PRX: variants seen among roughly 807,000 people sequenced by gnomAD.
PRX encodes the protein periaxin.
Under a neutral mutation model 29.6 loss-of-function variants are expected in PRX, and 24 were observed. The observed-to-expected ratio is 0.81, with a 90% CI of 0.59 to 1.14. The LOEUF is 1.14. Ranked by LOEUF, PRX falls within the 50% of genes most tolerant of loss-of-function variation. The probability of loss-of-function intolerance (pLI) is 0.00; values close to 1 mark genes in which losing one functional copy is unlikely to be tolerated. For missense variants in PRX, 1,838 were observed against 1,926.4 expected, an observed-to-expected ratio of 0.95 and a Z score of 0.86; for synonymous variants, 772 against 831.7, an observed-to-expected ratio of 0.93 and a Z score of 1.24.
In PRX at chr19:40,393,889, G is replaced by T; in HGVS notation, c.*77C>A. ...CCACCTCCCGGCCCTCTTAGGGTTA[G>T]TGCTAGTTATCACACACACAACAGC... On this transcript the variant is annotated 3_prime_UTR_variant, in exon 7 of 7. Transcript: ENST00000324001. 3 of 1,596,530 alleles carry T rather than the reference G, an allele frequency of 1.9e-6. No individual in the cohort carries two copies. Among genetic ancestry groups the T allele is most frequent in the Non-Finnish European group, 2.5e-6 (3 of 1,177,870 alleles).
chr19:40,397,070 CG>C lies in PRX; in HGVS notation c.1281del (p.Ile427MetfsTer16), dbSNP rs1568708285. The C allele has an allele frequency of 6.2e-7, 1 of 1,614,088 alleles. No homozygotes were observed. Among genetic ancestry groups the C allele is most frequent in the Non-Finnish European group, 8.5e-7 (1 of 1,180,034 alleles). On this transcript the variant is annotated frameshift_variant, in exon 7 of 7. Coordinates refer to ENST00000324001, the MANE Select transcript of PRX (RefSeq NM_181882.3). LOFTEE classifies it low-confidence loss of function (END_TRUNC). Reference sequence around the variant, plus strand: ...ACCTTGACCTCGGGCCCTGACACTCCGATGCCAAGGGAGGGCATCTTGATGG... The same window carrying C: ...ACCTTGACCTCGGGCCCTGACACTCCATGCCAAGGGAGGGCATCTTGATGG... ...LPTIKMPSLG[I>X]GVSGPEVKVP...
rs563970195 is a variant in PRX, at chr19:40,396,984, G to A, written c.1368C>T (p.Pro456=). The change falls in exon 7 of 7, where the codon CCC becomes CCT. Residue 456 remains proline (P), a synonymous_variant. Coordinates refer to ENST00000324001, the MANE Select transcript of PRX (RefSeq NM_181882.3). ...GTCGAACCTCTGGAAGGGCTGCCTC[G>A]GGCACTTTTGGAAGCTTGACCTCAG... is the stretch of plus-strand genomic sequence containing the variant. The part of the protein sequence containing the change: ...KAPEVKLPKV[P]EAALPEVRLP... 11 of 1,614,010 alleles carry A rather than the reference G, an allele frequency of 6.8e-6. No individual in the cohort carries two copies. Among genetic ancestry groups the A allele is most frequent in the South Asian group, 3.3e-5 (3 of 91,070 alleles).
At position 40,395,095 on chromosome 19, in the gene PRX, T is replaced by C; in HGVS notation, c.3257A>G (p.Lys1086Arg). Residue 1086 changes from lysine to arginine, a missense_variant, in exon 7 of 7, where the codon AAG becomes AGG. By Grantham distance (26) the Lys-to-Arg change is conservative. Coordinates refer to ENST00000324001, the MANE Select transcript of PRX (RefSeq NM_181882.3). ...VQGDRASPGE[K>R]AESTAVQLKI... ...AAGCTGCACAGCGGTGGACTCAGCC[T>C]TTTCCCCCGGGCTGGCACGATCACC... 3 of 1,613,442 alleles carry C rather than the reference T, an allele frequency of 1.9e-6. No homozygotes were observed. The highest frequency in any genetic ancestry group is 2.5e-6 in the Non-Finnish European group (3 of 1,179,988).
intron 5 of PRX, among the ~76,000 whole-genome samples, chr19:40,399,365 T>C (rs1286770836): frequency 5.9e-5 from 9 of 152,222 alleles, no homozygotes. Flanking sequence ...AAGGTTGTCA[T>C]GGCCTCACTC....
intron 5 of PRX, among the ~76,000 whole-genome samples, chr19:40,402,002 C>T (rs968672210): frequency 1.3e-5 from 2 of 152,110 alleles, no homozygotes; most frequent in Non-Finnish European, 2.9e-5. Flanking sequence ...GATCAGCCCA[C>T]CTCAGCCTCC....
chr19:40,395,294 T>G lies in PRX; in HGVS notation c.3058A>C (p.Arg1020=). Residue 1020 remains arginine (R), a synonymous_variant, in exon 7 of 7, where the codon AGG becomes CGG. Coordinates refer to ENST00000324001, the MANE Select transcript of PRX (RefSeq NM_181882.3). ...ACCCCAAACTTGGGGAGAGCAAACC[T>G]GGGCCCCTTGAACTTGAGGTCGGCC... ...AGADLKFKGP[R]FALPKFGVRG... 6.2e-7 allele frequency: 1 copy of G among 1,613,650 alleles called. No individual in the cohort carries two copies. The highest frequency in any genetic ancestry group is 8.5e-7 in the Non-Finnish European group (1 of 1,180,004).
chr19:40,403,677 A>AC (rs1397042908), intron 5 of PRX, 29 bp downstream of exon 5: 4 of 1,529,052 alleles, frequency 2.6e-6, no homozygotes, highest in South Asian at 1.2e-5. Context: ...CCGCAGTTCG[A>AC]CCCCGCCCCA....
Position 40,396,842 on chromosome 19 carries a change from G to A in PRX, c.1510C>T (p.Leu504Phe), listed in dbSNP as rs192607896. The A allele has an allele frequency of 3.4e-5, 54 of 1,610,762 alleles. No homozygotes were observed. In the African/African-American group the frequency reaches 6.8e-4, roughly 20 times the overall value. ...VELPKVSEMK[L>F]PKVPEMAVPE... ...ACAGCCATCTCTGGCACCTTTGGGA[G>A]TTTCATCTCTGACACTTTGGGCAGC... The change falls in exon 7 of 7, where the codon CTC (leucine) becomes TTC (phenylalanine). Residue 504 changes from leucine (L) to phenylalanine (F), a missense_variant. This residue lies in a region of PRX where 29 missense variants were observed against 68.4 expected (regional missense o/e 0.42). Coordinates refer to ENST00000324001, the MANE Select transcript of PRX (RefSeq NM_181882.3).
At chr19:40,414,622 C>T (rs936497993), upstream of PRX, among the ~76,000 whole-genome samples, 2 of 152,240 alleles carry the variant, frequency 1.3e-5, no homozygotes, top group South Asian at 4.1e-4. Flanking sequence ...CAGACCTGCC[C>T]GACTCCCAAG....
At position 40,393,874 on chromosome 19, in the gene PRX, G is replaced by C. The variant is rs1296568907; in HGVS notation, c.*92C>G. The C allele has an allele frequency of 6.3e-7, 1 of 1,584,982 alleles. No individual in the cohort carries two copies. Among genetic ancestry groups the C allele is most frequent in the African/African-American group, 1.3e-5 (1 of 74,700 alleles). On this transcript the variant is annotated 3_prime_UTR_variant, in exon 7 of 7. Coordinates refer to ENST00000324001, the MANE Select transcript of PRX (RefSeq NM_181882.3). ...GCCCTGGTCAGTCACCCACCTCCCG[G>C]CCCTCTTAGGGTTAGTGCTAGTTAT...
rs2079447986 is a variant in PRX, at chr19:40,397,187, G to A, written c.1165C>T (p.Pro389Ser). The part of the protein sequence containing the change: ...KVSPEARVKG[P>S]RLRMPTFGLS... Reference sequence around the variant, plus strand: ...CCAAAGGTGGGCATTCGAAGTCTGGGACCTTTCACCCTGGCCTCAGGGCTG... The same window carrying A: ...CCAAAGGTGGGCATTCGAAGTCTGGAACCTTTCACCCTGGCCTCAGGGCTG... The change falls in exon 7 of 7, where the codon CCC becomes TCC. Residue 389 changes from proline to serine, a missense_variant. By Grantham distance (74) the Pro-to-Ser change is moderately conservative (BLOSUM62 -1). Coordinates refer to ENST00000324001, the MANE Select transcript of PRX (RefSeq NM_181882.3). 9 of 1,614,096 alleles carry A rather than the reference G, an allele frequency of 5.6e-6. No homozygotes were observed. In the South Asian group the frequency reaches 9.9e-5, roughly 18 times the overall value.
intron 4 of PRX, among the ~76,000 whole-genome samples, chr19:40,404,871 G>T (rs962677407): frequency 6.6e-6 from 1 of 152,104 alleles, no homozygotes; most frequent in Admixed American, 6.6e-5. Context: ...ACTGCATCTG[G>T]CCCGGAGACC....
In PRX at chr19:40,408,009, G is replaced by T; in HGVS notation, c.-77C>A. On this transcript the variant is annotated 5_prime_UTR_variant, in exon 4 of 7. Coordinates refer to ENST00000324001, the MANE Select transcript of PRX (RefSeq NM_181882.3). ...CTGCTGCAGAACCAGCTTCAGTTCT[G>T]CATGGAGCAGCTGCCTCTGAGCCTG... 1 of 1,593,532 alleles carries T rather than the reference G, an allele frequency of 6.3e-7. No homozygotes were observed. Among genetic ancestry groups the T allele is most frequent in the South Asian group, 1.1e-5 (1 of 89,718 alleles).
intron 5 of PRX, among the ~76,000 whole-genome samples, chr19:40,400,748 G>T (rs1207069900): frequency 6.6e-6 from 1 of 151,906 alleles, no homozygotes; most frequent in Non-Finnish European, 1.5e-5. Flanking sequence ...AGCCTCTCTG[G>T]CCTCTTAAAG....
chr19:40,397,903 T>G lies in PRX; in HGVS notation c.449A>C (p.Asp150Ala), dbSNP rs1599656879. ...MVPGALGVPA[D>A]LAPVDVEFSF... ...GAACTCGACGTCAACAGGGGCCAGG[T>G]CAGCGGGGACCCCCAGAGCCCCAGG... The change falls in exon 7 of 7, where the codon GAC (aspartate) becomes GCC (alanine). Residue 150 changes from aspartate to alanine, a missense_variant. By Grantham distance (126) the Asp-to-Ala change is moderately radical. Around this residue, in one of 3 missense-constraint regions of PRX, gnomAD observed 666 missense variants for 665.0 expected, o/e 1.00. Transcript: ENST00000324001. 1 of 1,612,464 alleles carries G rather than the reference T, an allele frequency of 6.2e-7. No homozygotes were observed. The highest frequency in any genetic ancestry group is 8.5e-7 in the Non-Finnish European group (1 of 1,179,396).
rs778762350 is a variant in PRX, at chr19:40,395,655, G to A, written c.2697C>T (p.Pro899=). The change falls in exon 7 of 7, where the codon CCC becomes CCT. Residue 899 remains proline, a synonymous_variant. Transcript: ENST00000324001. ...GCTGTGGGGTGACAATTTCAACAGA[G>A]GGCACTCGGAAGCCCACTTCCCTGA... ...AGVREVGFRV[P]SVEIVTPQLP... 1 of 1,614,142 alleles carries A rather than the reference G, an allele frequency of 6.2e-7. No homozygotes were observed. Among genetic ancestry groups the A allele is most frequent in the Non-Finnish European group, 8.5e-7 (1 of 1,180,022 alleles).
rs104894708 is a variant in PRX at position 40,395,144 on chromosome 19, G to C, written c.3208C>G (p.Arg1070Gly). The C allele has an allele frequency of 1.2e-6, 2 of 1,613,958 alleles. No individual in the cohort carries two copies. Among genetic ancestry groups the C allele is most frequent in the East Asian group, 4.5e-5 (2 of 44,872 alleles). Residue 1070 changes from arginine (R) to glycine (G), a missense_variant, in exon 7 of 7, where the codon CGA becomes GGA. Arg to Gly is a moderately radical substitution (Grantham distance 125). Around this residue, in one of 3 missense-constraint regions of PRX, gnomAD observed 1,143 missense variants for 1,193.0 expected, o/e 0.96. Transcript: ENST00000324001. ...KLKMPSFGLA[R>G]GKEAEVQGDR... ...CCTTGAACTTCTGCTTCCTTCCCTC[G>C]AGCCAGCCCAAAGGAAGGCATCTTC...
chr19:40,402,774 C>CAAAAA (rs568158954), intron 5 of PRX, among the ~76,000 whole-genome samples: 6 of 110,556 alleles, frequency 5.4e-5, no homozygotes, highest in Admixed American at 9.2e-5. Context: ...GACTCCGTCT[C>CAAAAA]AAAAAAAAAA....
At chr19:40,410,164 C>T (rs763369125) in intron 1 of PRX, among the ~76,000 whole-genome samples, 69 of 152,150 alleles carry the variant, frequency 4.5e-4, no homozygotes, top group Admixed American at 7.9e-4. Context: ...TCACATGCAG[C>T]CACCCGCCAG....
Sources: allele counts gnomAD v4.1 joint callset (sites outside exome capture counted in the v4.1 genomes callset), GRCh38; gene constraint gnomAD v4.1.1; regional missense constraint gnomAD v4.1.1; transcripts MANE v1.5; gene names NCBI Gene and HGNC (gene_info 2026-07-23, HGNC 2026-07-21).